The following BCKDHB variants were observed in gnomAD, a reference collection of about 807,000 sequenced individuals.
BCKDHB encodes branched chain keto acid dehydrogenase E1 subunit beta, also known as 2-oxoisovalerate dehydrogenase subunit beta, mitochondrial.
In BCKDHB, 41 loss-of-function variants were observed where a neutral mutation model predicts 48.5. That is an observed-to-expected ratio of 0.85 (90% confidence interval 0.66 to 1.10). The LOEUF is 1.10. BCKDHB is among the 50% of genes least tolerant of loss of function. The pLI, the probability that BCKDHB is intolerant of heterozygous loss-of-function variation, is 0.00. For synonymous variants in BCKDHB, 201 were observed against 174.8 expected (o/e 1.15, Z -1.18); for missense variants, 496 against 494.2 (o/e 1.00, Z -0.03).
intron 3 of BCKDHB, among the ~76,000 whole-genome samples, chr6:80,153,847 C>A (rs1166779089): frequency 6.6e-6 from 1 of 152,168 alleles, no homozygotes; most frequent in East Asian, 1.9e-4. Flanking sequence ...AATGGTGGAA[C>A]CAGATTTAAA....
chr6:80,423,957 T>C, the BCKDHB span, among the ~76,000 whole-genome samples: 2 of 152,214 alleles, frequency 1.3e-5, no homozygotes, highest in East Asian at 3.9e-4. Context: ...TAGGGAGAGA[T>C]ACTTGCAGTG....
intron 8 of BCKDHB, among the ~76,000 whole-genome samples, chr6:80,209,886 A>T (rs1448538966): frequency 2.0e-5 from 3 of 152,042 alleles, no homozygotes; most frequent in African/African-American, 7.2e-5. Context: ...AACTCAAGGA[A>T]ACTTATATCT....
intron 8 of BCKDHB, among the ~76,000 whole-genome samples, chr6:80,226,893 A>T (rs572612293): frequency 1.1e-4 from 16 of 152,264 alleles, no homozygotes; most frequent in Admixed American, 1.0e-3. Flanking sequence ...ATGGAGAGGG[A>T]TCTCTGGCCC....
chr6:80,378,156 T>C, the BCKDHB span, among the ~76,000 whole-genome samples: 1 of 152,212 alleles, frequency 6.6e-6, no homozygotes, highest in Non-Finnish European at 1.5e-5. Flanking sequence ...GGGTACTATG[T>C]GCATAATGGT....
In BCKDHB at chr6:80,266,902, T is replaced by A. The variant is rs1777536832; in HGVS notation, c.952-6233T>A. ...CACATATACAATGTATTAGGTATTCTAGTTAGGTACAGAATATTTGTTAGT... is the reference window on the plus strand; with the variant it reads ...CACATATACAATGTATTAGGTATTCAAGTTAGGTACAGAATATTTGTTAGT... On this transcript the variant is annotated intron_variant, in intron 8 of 9. Transcript: ENST00000320393. Among the ~76,000 whole-genome samples, 2 of 152,070 alleles carry A rather than the reference T, an allele frequency of 1.3e-5. 1 individual carries two copies. Among genetic ancestry groups the A allele is most frequent in the South Asian group, 4.1e-4 (2 of 4,836 alleles).
intron 3 of BCKDHB, among the ~76,000 whole-genome samples, chr6:80,143,695 G>A (rs1484792290): frequency 3.3e-5 from 5 of 152,142 alleles, no homozygotes; most frequent in Admixed American, 3.3e-4. Context: ...AAAGTTTTCA[G>A]TTTCCTGGTG....
the BCKDHB span, among the ~76,000 whole-genome samples, chr6:80,364,679 T>C: frequency 6.6e-6 from 1 of 152,134 alleles, no homozygotes; most frequent in Non-Finnish European, 1.5e-5. Context: ...TCAGTTGAGA[T>C]TAAAATAAAA....
chr6:80,302,667 T>C (rs1767647064), intron 9 of BCKDHB, among the ~76,000 whole-genome samples: 1 of 152,194 alleles, frequency 6.6e-6, no homozygotes, highest in South Asian at 2.1e-4. Context: ...AGCTTGAGTT[T>C]TCTAGCTGGT....
In BCKDHB at chr6:80,345,350, A is replaced by G. The variant is rs532892937; in HGVS notation, c.*1546A>G. ...AAAAGCAAAATCAACTCTGTATAAT[A>G]GCACATTCTCTACTTTTTAAAGATC... On this transcript the variant is annotated 3_prime_UTR_variant, in exon 10 of 10. Coordinates refer to ENST00000320393, the MANE Select transcript of BCKDHB (RefSeq NM_183050.4). The G allele has an allele frequency of 6.6e-6, 1 of 152,352 alleles. No individual in the cohort carries two copies. Among genetic ancestry groups the G allele is most frequent in the South Asian group, 2.1e-4 (1 of 4,830 alleles). The allele number at this position is 152,352 out of a possible 1,614,324, so 9.4% of individuals were successfully genotyped here. A position where few individuals can be genotyped will look rare whatever the true frequency, so the allele number is the denominator to read the frequency against.
the BCKDHB span, among the ~76,000 whole-genome samples, chr6:80,425,470 A>G: frequency 1.3e-5 from 2 of 152,228 alleles, no homozygotes; most frequent in African/African-American, 4.8e-5. Context: ...AGCATTTTTC[A>G]GAGTAAACTA....
the BCKDHB span, among the ~76,000 whole-genome samples, chr6:80,410,848 C>T: frequency 1.3e-5 from 2 of 152,114 alleles, no homozygotes; most frequent in Non-Finnish European, 2.9e-5. Context: ...TTCGTCTAAC[C>T]TTTTTTCAAG....
chr6:80,222,327 A>G (rs1203513152), intron 8 of BCKDHB, among the ~76,000 whole-genome samples: 1 of 152,250 alleles, frequency 6.6e-6, no homozygotes, highest in African/African-American at 2.4e-5. Context: ...GCAATAAGTC[A>G]GTTAAAAACA....
intron 1 of BCKDHB, among the ~76,000 whole-genome samples, chr6:80,111,331 C>T (rs906987528): frequency 2.6e-5 from 4 of 152,190 alleles, no homozygotes; most frequent in Non-Finnish European, 5.9e-5. Context: ...GACCCTGGGT[C>T]GCTTCAGTCT....
At chr6:80,193,672 A>G (rs1432404293) in intron 6 of BCKDHB, among the ~76,000 whole-genome samples, 1 of 151,246 alleles carries the variant, frequency 6.6e-6, no homozygotes, top group Non-Finnish European at 1.5e-5. Context: ...GTGAGCCGGG[A>G]CTGTGCCACT....
intron 9 of BCKDHB, among the ~76,000 whole-genome samples, chr6:80,311,534 T>G (rs1471980576): frequency 6.6e-6 from 1 of 152,198 alleles, no homozygotes; most frequent in Non-Finnish European, 1.5e-5. Context: ...TTGCCTAGGT[T>G]TTCTTCTAGG....
chr6:80,155,305 T>G (rs1045296621), intron 3 of BCKDHB, among the ~76,000 whole-genome samples: 1 of 152,176 alleles, frequency 6.6e-6, no homozygotes, highest in Non-Finnish European at 1.5e-5. Context: ...TTTAAAACTG[T>G]TTTGTATTTG....
At chr6:80,112,319 T>G (rs1157213488) in intron 1 of BCKDHB, among the ~76,000 whole-genome samples, 6 of 152,148 alleles carry the variant, frequency 3.9e-5, no homozygotes, top group Non-Finnish European at 2.9e-5. Context: ...TCAAGCAGTT[T>G]CCATGGTAGT....
chr6:80,373,184 A>T, the BCKDHB span, among the ~76,000 whole-genome samples: 1 of 152,162 alleles, frequency 6.6e-6, no homozygotes, highest in East Asian at 1.9e-4. Context: ...GGAGGGTTAT[A>T]TGTTTCCAGG....
At chr6:80,295,410 TATAAAACCGTCAGATCTC>T (rs1445628441) in intron 9 of BCKDHB, among the ~76,000 whole-genome samples, 1 of 152,002 alleles carries the variant, frequency 6.6e-6, no homozygotes, top group Non-Finnish European at 1.5e-5. Flanking sequence ...ATCTCCCCTT[TATAAAACCGTCAGATCTC>T]ATGATACTTA....
Sources: gnomAD v4.1 joint callset for allele counts (sites outside exome capture counted in the v4.1 genomes callset) on GRCh38, gnomAD v4.1.1 for gene constraint, MANE v1.5 for transcripts, NCBI Gene and HGNC (gene_info 2026-07-23, HGNC 2026-07-21) for gene names.